Variants in HECTD2 observed in about 807,000 individuals in gnomAD.
HECTD2 encodes HECT domain E3 ubiquitin protein ligase 2.
Under a neutral mutation model 103.2 loss-of-function variants are expected in HECTD2, and 35 were observed. The ratio of observed to expected loss-of-function variants is 0.34; its 90% CI spans 0.26 to 0.45. HECTD2 has a LOEUF of 0.45. Among genes scored for constraint, HECTD2 ranks in the 20% least tolerant of loss-of-function variants. HECTD2 has a pLI of 1.00. For missense variants in HECTD2, 596 were observed against 937.4 expected, an observed-to-expected ratio of 0.64 and a Z score of 4.76; for synonymous variants, 281 against 329.9, an observed-to-expected ratio of 0.85 and a Z score of 1.61.
At chr10:91,451,516 T>C (rs551862403) in intron 2 of HECTD2, among the ~76,000 whole-genome samples, 64 of 151,384 alleles carry the variant, frequency 4.2e-4, no homozygotes, top group Non-Finnish European at 6.8e-4. Flanking sequence ...ACTTAAAGTA[T>C]AATAATAAAA....
chr10:91,431,417 A>C (rs905949383), intron 2 of HECTD2, among the ~76,000 whole-genome samples: 10 of 152,002 alleles, frequency 6.6e-5, no homozygotes, highest in African/African-American at 1.9e-4. Context: ...CTGAATCTGA[A>C]TGTTGGCCTG....
chr10:91,454,577 T>C (rs1163762999), intron 2 of HECTD2, among the ~76,000 whole-genome samples: 1 of 152,072 alleles, frequency 6.6e-6, no homozygotes, highest in Admixed American at 6.6e-5. Context: ...AAAGTGTCTT[T>C]TTTTTTTAAT....
chr10:91,478,271 C>T lies in HECTD2; in HGVS notation c.665+6C>T, dbSNP rs754084276. On this transcript the variant is annotated splice_donor_region_variant and intron_variant, in intron 6 of 20. Coordinates refer to ENST00000298068, the MANE Select transcript of HECTD2 (RefSeq NM_182765.6). Reference sequence around the variant, plus strand: ...CTGTTACGAGAATGGAAAGGGTAAACTAATATTTTCAATATTTAGCTAATC... The same window carrying T: ...CTGTTACGAGAATGGAAAGGGTAAATTAATATTTTCAATATTTAGCTAATC... The T allele has an allele frequency of 3.2e-6, 5 of 1,546,702 alleles. No homozygotes were observed. Among genetic ancestry groups the T allele is most frequent in the Non-Finnish European group, 2.7e-6 (3 of 1,118,920 alleles).
chr10:91,497,456 ATTTT>A (rs34254753), intron 15 of HECTD2, among the ~76,000 whole-genome samples: 3 of 74,752 alleles, frequency 4.0e-5, no homozygotes, highest in East Asian at 4.9e-4. Flanking sequence ...ACACCTGGCT[ATTTT>A]TTTTTTTTTT....
At chr10:91,451,099 C>T (rs1350874219) in intron 2 of HECTD2, among the ~76,000 whole-genome samples, 1 of 152,108 alleles carries the variant, frequency 6.6e-6, no homozygotes, top group African/African-American at 2.4e-5. Flanking sequence ...CTGTTCACAA[C>T]AGCAAAGACT....
chr10:91,454,609 G>A (rs1305851008), intron 2 of HECTD2, among the ~76,000 whole-genome samples: 1 of 151,970 alleles, frequency 6.6e-6, no homozygotes, highest in Middle Eastern at 3.4e-3. Flanking sequence ...TAGGGTACAT[G>A]TGTACAACAT....
At position 91,512,316 on chromosome 10, in the gene HECTD2, A is replaced by T; in HGVS notation, c.2263A>T (p.Ser755Cys). The T allele has an allele frequency of 6.2e-7, 1 of 1,613,712 alleles. No homozygotes were observed. The highest frequency in any genetic ancestry group is 1.3e-5 in the African/African-American group (1 of 74,974). The change falls in exon 21 of 21, where the codon AGC becomes TGC. Residue 755 changes from serine to cysteine, a missense_variant. Coordinates refer to ENST00000298068, the MANE Select transcript of HECTD2 (RefSeq NM_182765.6). ...TCAACTTTGCCTTCCCCCCTACAAG[A>T]GCAAAAAGGATCTGAAACAGAAATT... The part of the protein sequence containing the change: ...FNQLCLPPYK[S>C]KKDLKQKLII...
intron 20 of HECTD2, among the ~76,000 whole-genome samples, chr10:91,508,739 A>G (rs1847298068): frequency 6.6e-6 from 1 of 150,852 alleles, no homozygotes; most frequent in African/African-American, 2.5e-5. Context: ...ATCTAGAACT[A>G]GAAATACCAT....
At chr10:91,475,482 T>C (rs1845868321) in intron 5 of HECTD2, among the ~76,000 whole-genome samples, 1 of 152,178 alleles carries the variant, frequency 6.6e-6, no homozygotes, top group African/African-American at 2.4e-5. Flanking sequence ...TTTGTAAGGT[T>C]TGGACAGAGA....
chr10:91,431,584 T>C (rs542507369), intron 2 of HECTD2, among the ~76,000 whole-genome samples: 59 of 152,170 alleles, frequency 3.9e-4, no homozygotes, highest in Middle Eastern at 3.4e-3. Context: ...CATTTCTTTT[T>C]ATTCTTTTTT....
chr10:91,462,682 T>A (rs1845397828), intron 5 of HECTD2: 1 of 990,890 alleles, frequency 1.0e-6, no homozygotes. Context: ...ATTCAAAAAA[T>A]CCAGATGCAT....
chr10:91,491,647 A>G (rs975682772), intron 12 of HECTD2, among the ~76,000 whole-genome samples: 1 of 152,190 alleles, frequency 6.6e-6, no homozygotes, highest in East Asian at 1.9e-4. Flanking sequence ...TATGTGTGTA[A>G]CAAGTCATTT....
chr10:91,449,685 A>C (rs1170861083), intron 2 of HECTD2, among the ~76,000 whole-genome samples: 3 of 152,222 alleles, frequency 2.0e-5, no homozygotes, highest in African/African-American at 7.2e-5. Context: ...AAGCAACTTC[A>C]GCAAAGTCTC....
chr10:91,450,286 A>G lies in HECTD2; in HGVS notation c.269-10141A>G, dbSNP rs543380867. The stretch of plus-strand genomic sequence containing the variant: ...ACAAGCAATGGGGAAAGGATTCCCT[A>G]TTTAATAAATGGTGCTGGGGAAACT... On this transcript the variant is annotated intron_variant, in intron 2 of 20. Transcript: ENST00000298068. Among the ~76,000 whole-genome samples the G allele has an allele frequency of 1.7e-3, 261 of 152,316 alleles. 1 individual carries two copies. Among genetic ancestry groups the G allele is most frequent in the African/African-American group, 3.8e-3 (157 of 41,580 alleles).
At chr10:91,456,997 T>C (rs951894822) in intron 2 of HECTD2, among the ~76,000 whole-genome samples, 3 of 151,966 alleles carry the variant, frequency 2.0e-5, no homozygotes, top group East Asian at 1.9e-4. Flanking sequence ...ATAGGAGATA[T>C]TACAACAGAC....
chr10:91,492,046 G>A (rs987067552), intron 12 of HECTD2, among the ~76,000 whole-genome samples: 1 of 151,862 alleles, frequency 6.6e-6, no homozygotes, highest in Non-Finnish European at 1.5e-5. Flanking sequence ...GCATTGAAGG[G>A]GAGTTTTTTT....
intron 8 of HECTD2, chr10:91,484,149 T>G: frequency 1.9e-6 from 1 of 538,862 alleles, no homozygotes; most frequent in Non-Finnish European, 3.3e-6. Context: ...CTAACATCTT[T>G]CACATGTCCC....
chr10:91,450,212 A>G (rs1844744943), intron 2 of HECTD2, among the ~76,000 whole-genome samples: 1 of 152,198 alleles, frequency 6.6e-6, no homozygotes, highest in African/African-American at 2.4e-5. Flanking sequence ...GACCTCAGAA[A>G]TAATGCCACA....
At chr10:91,476,539 A>C (rs1453636433) in intron 5 of HECTD2, among the ~76,000 whole-genome samples, 3 of 152,196 alleles carry the variant, frequency 2.0e-5, no homozygotes, top group African/African-American at 7.2e-5. Flanking sequence ...AGACAGAGCA[A>C]GAGGGAGGAC....
Sources: allele counts gnomAD v4.1 joint callset (sites outside exome capture counted in the v4.1 genomes callset), GRCh38; gene constraint gnomAD v4.1.1; transcripts MANE v1.5; gene names NCBI Gene and HGNC (gene_info 2026-07-23, HGNC 2026-07-21).